Variants in PTPRN2 observed in about 807,000 individuals in gnomAD.
The protein encoded by PTPRN2 is receptor-type tyrosine-protein phosphatase N2.
PTPRN2 carries 74 observed loss-of-function variants against 118.8 expected under a neutral mutation model. The ratio of observed to expected loss-of-function variants is 0.62; its 90% CI spans 0.52 to 0.76. PTPRN2 has a LOEUF of 0.76. Ranked by LOEUF, PTPRN2 falls within the 30% of genes least tolerant of loss-of-function variation. The pLI is 0.00. For synonymous variants in PTPRN2, 641 were observed against 608.0 expected (o/e 1.05, Z -0.80); for missense variants, 1,481 against 1,394.4 (o/e 1.06, Z -0.99).
chr7:158,364,032 C>T (rs114583644), intron 2 of PTPRN2, among the ~76,000 whole-genome samples: 3,789 of 152,300 alleles, frequency 0.025, 66 homozygotes, highest in African/African-American at 0.047. Context: ...CTTTGAAAGG[C>T]GAACGATGAG....
At chr7:158,330,282 C>G (rs1450194612) in intron 2 of PTPRN2, among the ~76,000 whole-genome samples, 158 of 113,638 alleles carry the variant, frequency 1.4e-3, no homozygotes, top group Non-Finnish European at 1.8e-3. Context: ...AGACGTCACT[C>G]ACACCCACAC....
chr7:157,678,123 A>C (rs1796755499), intron 13 of PTPRN2, among the ~76,000 whole-genome samples: 1 of 152,166 alleles, frequency 6.6e-6, no homozygotes. Context: ...TTAATGTTGT[A>C]TTTTTATACT....
At chr7:157,849,365 A>G (rs1429527106) in intron 12 of PTPRN2, among the ~76,000 whole-genome samples, 1 of 152,116 alleles carries the variant, frequency 6.6e-6, no homozygotes, top group Non-Finnish European at 1.5e-5. Flanking sequence ...TACGGGGCCG[A>G]GGCTCATGTG....
At chr7:158,167,314 A>G in intron 5 of PTPRN2, 23 bp from the exon 6 acceptor site, 1 of 1,553,270 alleles carries the variant, frequency 6.4e-7, no homozygotes, top group Non-Finnish European at 8.7e-7. Context: ...AGAGCAAAAC[A>G]GAGCAAGAGT....
chr7:158,389,509 G>C (rs1346573099), intron 2 of PTPRN2, among the ~76,000 whole-genome samples: 1 of 152,226 alleles, frequency 6.6e-6, no homozygotes, highest in Non-Finnish European at 1.5e-5. Context: ...ACCAGAGTCT[G>C]AGTGAATAAT....
rs762526187 is a variant in PTPRN2, at chr7:157,990,218, C to T, written c.1723+91080G>A. ...CGGGCCCAGATAAATAATTCATGAGCGCCACCGGGGAAGACCGGGCACTCG... is the reference window on the plus strand; with the variant it reads ...CGGGCCCAGATAAATAATTCATGAGTGCCACCGGGGAAGACCGGGCACTCG... On this transcript the variant is annotated intron_variant, in intron 11 of 22. Transcript: ENST00000389418. This position sits in a 1 kb window ranked among gnomAD's most constrained non-coding sequence, Gnocchi z 4.3. Among the ~76,000 whole-genome samples, 12 of 151,786 alleles carry T rather than the reference C, an allele frequency of 7.9e-5. No individual in the cohort carries two copies. The highest frequency in any genetic ancestry group is 2.1e-4 in the South Asian group (1 of 4,804).
At chr7:158,121,287 T>C (rs893421557) in intron 9 of PTPRN2, among the ~76,000 whole-genome samples, 6 of 152,128 alleles carry the variant, frequency 3.9e-5, no homozygotes, top group Admixed American at 2.6e-4. Flanking sequence ...ACCACACCAC[T>C]CCAATCAGCA....
intron 11 of PTPRN2, among the ~76,000 whole-genome samples, chr7:158,014,747 C>T (rs1164233268): frequency 6.6e-6 from 1 of 151,758 alleles, no homozygotes; most frequent in Non-Finnish European, 1.5e-5. Flanking sequence ...CCAGCCATCT[C>T]TTCACCCATT....
chr7:158,379,858 T>TG (rs888517630), intron 2 of PTPRN2, among the ~76,000 whole-genome samples: 17 of 152,190 alleles, frequency 1.1e-4, no homozygotes, highest in East Asian at 3.9e-4. Context: ...TCCACATGGC[T>TG]GGGGGGGCCT....
At chr7:157,919,159 A>G (rs1798567508) in intron 11 of PTPRN2, among the ~76,000 whole-genome samples, 4 of 152,232 alleles carry the variant, frequency 2.6e-5, no homozygotes, top group Non-Finnish European at 5.9e-5. Flanking sequence ...TCTAGAAACC[A>G]GAATGGAACC....
intron 9 of PTPRN2, among the ~76,000 whole-genome samples, chr7:158,115,228 C>A (rs939073482): frequency 6.6e-6 from 1 of 152,102 alleles, no homozygotes; most frequent in African/African-American, 2.4e-5. Flanking sequence ...GGATAAAGAA[C>A]AGGTTGGAGA....
At chr7:158,306,163 TACCAGCC>T (rs1260927098) in intron 3 of PTPRN2, among the ~76,000 whole-genome samples, 1 of 152,224 alleles carries the variant, frequency 6.6e-6, no homozygotes, top group Non-Finnish European at 1.5e-5. Context: ...ATGTTTTACT[TACCAGCC>T]ACCTGAGGTA....
Position 158,071,401 on chromosome 7 carries a change from TGGTGG to T in PTPRN2, c.1723+9892_1723+9896del, listed in dbSNP as rs1563391085. Among the ~76,000 whole-genome samples the T allele has an allele frequency of 8.5e-5, 9 of 106,008 alleles. 1 individual carries two copies. The highest frequency in any genetic ancestry group is 1.2e-4 in the Non-Finnish European group (6 of 49,962). The allele number at this position is 106,008 out of a possible 152,430, so 69.5% of individuals were successfully genotyped here. On this transcript the variant is annotated intron_variant, in intron 11 of 22. Coordinates refer to ENST00000389418, the MANE Select transcript of PTPRN2 (RefSeq NM_002847.5). ...GAGGTGCTCGTGGTGGAGGTGCTCG[TGGTGG>T]AGTTGCTCCTGGTGGTGGAGGTGCT... is the stretch of plus-strand genomic sequence containing the variant.
intron 11 of PTPRN2, among the ~76,000 whole-genome samples, chr7:157,956,824 T>C (rs1801211340): frequency 6.6e-6 from 1 of 152,270 alleles, no homozygotes; most frequent in South Asian, 2.1e-4. Flanking sequence ...GCCTGTGAGT[T>C]GGAATTCATT....
chr7:157,739,833 C>T (rs528208910), intron 12 of PTPRN2, among the ~76,000 whole-genome samples: 5 of 152,202 alleles, frequency 3.3e-5, no homozygotes, highest in African/African-American at 7.2e-5. Context: ...CCAAGGTGAC[C>T]GCAAGGAGGC....
intron 1 of PTPRN2, among the ~76,000 whole-genome samples, chr7:158,583,096 C>T (rs1281339922): frequency 6.6e-6 from 1 of 152,162 alleles, no homozygotes; most frequent in African/African-American, 2.4e-5. Flanking sequence ...CTTCCTAGTC[C>T]CATATTCCTC....
intron 1 of PTPRN2, among the ~76,000 whole-genome samples, chr7:158,585,762 A>T (rs1317188159): frequency 1.3e-5 from 2 of 152,242 alleles, no homozygotes; most frequent in African/African-American, 4.8e-5. Context: ...GTCAAGGACC[A>T]GCCTCCAGCT....
At position 158,239,379 on chromosome 7, in the gene PTPRN2, A is replaced by G. The variant is rs116898623; in HGVS notation, c.278-34106T>C. Among the ~76,000 whole-genome samples the G allele has an allele frequency of 3.0e-3, 460 of 152,204 alleles. 1 individual carries two copies. Among genetic ancestry groups the G allele is most frequent in the Non-Finnish European group, 4.4e-3 (300 of 68,006 alleles). ...AAGGAGCCCGGAGCTGGTATCCCGG[A>G]GCTTGTTCTTTCCTGGGGCGCTTTG... On this transcript the variant is annotated intron_variant, in intron 3 of 22. Coordinates refer to ENST00000389418, the MANE Select transcript of PTPRN2 (RefSeq NM_002847.5).
chr7:157,636,787 TCCCC>T (rs1804346083), intron 14 of PTPRN2, among the ~76,000 whole-genome samples: 1 of 152,184 alleles, frequency 6.6e-6, no homozygotes, highest in Non-Finnish European at 1.5e-5. Context: ...CAGATTAAAC[TCCCC>T]CAATTCTTTT....
Sources: allele counts gnomAD v4.1 joint callset (sites outside exome capture counted in the v4.1 genomes callset), GRCh38; gene constraint gnomAD v4.1.1; non-coding constraint Gnocchi (gnomAD v3.1); transcripts MANE v1.5; gene names NCBI Gene and HGNC (gene_info 2026-07-23, HGNC 2026-07-21).